Variants in USO1 observed in about 807,000 individuals in gnomAD.
USO1 encodes the protein USO1 vesicle transport factor.
In USO1, 57 loss-of-function variants were observed where a neutral mutation model predicts 124.5. That is an observed-to-expected ratio of 0.46 (90% CI 0.37 to 0.57). The LOEUF is 0.57. Among genes scored for constraint, USO1 ranks in the 20% least tolerant of loss-of-function variants. The probability of loss-of-function intolerance (pLI) is 0.00; values close to 1 mark genes in which losing one functional copy is unlikely to be tolerated. For missense variants in USO1, 900 were observed against 1,040.6 expected (o/e 0.86, Z 1.86); for synonymous variants, 369 against 362.8 (o/e 1.02, Z -0.19).
Position 75,752,561 on chromosome 4 carries a change from A to T in USO1, c.175A>T (p.Ile59Leu). Residue 59 changes from isoleucine to leucine, a missense_variant, in exon 3 of 24, where the codon ATA (isoleucine) becomes TTA (leucine). This residue lies in a region of USO1 where 538 missense variants were observed against 681.6 expected (regional missense o/e 0.79). Transcript: ENST00000514213. ...GCAGAAATACCGCTTGGAAGTGGGT[A>T]TACAAGCTATGGAACATCTTATTCA... The part of the protein sequence containing the change: ...LSKKYRLEVG[I>L]QAMEHLIHVL... The T allele has an allele frequency of 2.5e-6, 1 of 398,568 alleles. No homozygotes were observed. The highest frequency in any genetic ancestry group is 3.6e-5 in the East Asian group (1 of 28,050). The allele number at this position is 398,568 out of a possible 1,614,324, so 24.7% of individuals were successfully genotyped here.
chr4:75,757,370 C>G (rs1296447534), intron 3 of USO1, 127 bp from the exon 4 acceptor site: 1 of 805,520 alleles, frequency 1.2e-6, no homozygotes, highest in Admixed American at 4.6e-5. Flanking sequence ...ACAGTTTGCA[C>G]TCTGATATTT....
intron 9 of USO1, among the ~76,000 whole-genome samples, chr4:75,785,277 C>T (rs1722327599): frequency 6.6e-6 from 1 of 152,132 alleles, no homozygotes; most frequent in African/African-American, 2.4e-5. Flanking sequence ...GATCTGCTTG[C>T]TGAGTTTTAA....
At chr4:75,754,029 C>T (rs1000525241) in intron 3 of USO1, among the ~76,000 whole-genome samples, 5 of 151,478 alleles carry the variant, frequency 3.3e-5, no homozygotes, top group Non-Finnish European at 7.4e-5. Context: ...TCTCGTGATC[C>T]ACCTGCCTTG....
At position 75,724,845 on chromosome 4, in the gene USO1, G is replaced by C. The variant is rs1409886358; in HGVS notation, c.26G>C (p.Gly9Ala). 1.2e-6 allele frequency: 2 copies of C among 1,613,862 alleles called. No individual in the cohort carries two copies. Among genetic ancestry groups the C allele is most frequent in the South Asian group, 1.1e-5 (1 of 91,078 alleles). ...ATGAATTTCCTCCGCGGGGTAATGG[G>C]GGGTCAGAGTGCCGGACCCCAGCAC... MNFLRGVM[G>A]GQSAGPQHTE... The change falls in exon 1 of 24, where the codon GGG becomes GCG. Residue 9 changes from glycine to alanine, a missense_variant. Gly to Ala is a moderately conservative substitution (Grantham distance 60). This residue lies in a region of USO1 where 538 missense variants were observed against 681.6 expected (regional missense o/e 0.79). Transcript: ENST00000514213.
intron 1 of USO1, among the ~76,000 whole-genome samples, chr4:75,740,114 A>G (rs1282840369): frequency 6.6e-6 from 1 of 152,198 alleles, no homozygotes; most frequent in African/African-American, 2.4e-5. Context: ...CAGGAGGACC[A>G]CTTGAGCTCA....
At chr4:75,810,964 C>T (rs1470614933) in intron 22 of USO1, among the ~76,000 whole-genome samples, 2 of 152,014 alleles carry the variant, frequency 1.3e-5, no homozygotes, top group South Asian at 2.1e-4. Context: ...CTCTTGACCT[C>T]GTGATCCACC....
chr4:75,733,648 T>C (rs2149138563), intron 1 of USO1, among the ~76,000 whole-genome samples: 1 of 152,328 alleles, frequency 6.6e-6, no homozygotes, highest in South Asian at 2.1e-4. Context: ...GTTCATGTCC[T>C]TTGCCCATTT....
At chr4:75,793,205 CTTTTTTTTT>C (rs67560505) in intron 12 of USO1, among the ~76,000 whole-genome samples, 1 of 87,728 alleles carries the variant, frequency 1.1e-5, no homozygotes, top group Non-Finnish European at 2.1e-5. Context: ...TCTCTCTCTC[CTTTTTTTTT>C]TTTTTTTTTT....
chr4:75,756,419 T>G (rs1721444467), intron 3 of USO1, among the ~76,000 whole-genome samples: 1 of 98,084 alleles, frequency 1.0e-5, no homozygotes, highest in South Asian at 2.7e-4. Context: ...CTGAGTCTTA[T>G]AAAGTTAATG....
chr4:75,743,541 C>T (rs1377562366), intron 1 of USO1, among the ~76,000 whole-genome samples: 2 of 152,236 alleles, frequency 1.3e-5, no homozygotes, highest in East Asian at 3.9e-4. Flanking sequence ...TATATTCTGT[C>T]TCTTTGCCAT....
chr4:75,810,517 T>C lies in USO1; in HGVS notation c.2561T>C (p.Leu854Ser). The C allele has an allele frequency of 6.2e-7, 1 of 1,612,562 alleles. No homozygotes were observed. The highest frequency in any genetic ancestry group is 1.3e-5 in the African/African-American group (1 of 75,026). ...GTAGAAGGAAGACTGTCAGCATTAT[T>C]ACAAGAGACCAAAGAGTTAAAGGTT... The part of the protein sequence containing the change: ...TDVEGRLSAL[L>S]QETKELKNEI... The change falls in exon 22 of 24, where the codon TTA becomes TCA. Residue 854 changes from leucine to serine, a missense_variant. Leu to Ser is a moderately radical substitution (Grantham distance 145). Around this residue, in one of 2 missense-constraint regions of USO1, gnomAD observed 362 missense variants for 359.0 expected, o/e 1.01. Coordinates refer to ENST00000514213, the MANE Select transcript of USO1 (RefSeq NM_003715.4).
At chr4:75,793,128 A>G (rs569149568) in intron 12 of USO1, among the ~76,000 whole-genome samples, 71 of 149,736 alleles carry the variant, frequency 4.7e-4, no homozygotes, top group African/African-American at 1.7e-3. Flanking sequence ...TATATACCAC[A>G]TTTTCTTTCT....
chr4:75,759,461 G>A (rs1367906400), intron 4 of USO1, among the ~76,000 whole-genome samples: 10 of 150,792 alleles, frequency 6.6e-5, no homozygotes, highest in African/African-American at 1.5e-4. Flanking sequence ...GGGCGTGGTC[G>A]CACACACCTG....
intron 1 of USO1, among the ~76,000 whole-genome samples, chr4:75,738,233 G>T (rs1320891202): frequency 6.6e-6 from 1 of 151,432 alleles, no homozygotes; most frequent in Non-Finnish European, 1.5e-5. Flanking sequence ...AAAGCCAGTG[G>T]ATCATCCAAG....
At chr4:75,774,595 A>G in intron 7 of USO1, 81 bp from the exon 8 acceptor site, 1 of 1,493,740 alleles carries the variant, frequency 6.7e-7, no homozygotes, top group Non-Finnish European at 8.9e-7. Flanking sequence ...TGCCAGTTCT[A>G]AAATTCTGTG....
intron 13 of USO1, among the ~76,000 whole-genome samples, chr4:75,797,560 C>CAAAAA (rs34297170): frequency 9.0e-6 from 1 of 111,544 alleles, no homozygotes; most frequent in Non-Finnish European, 1.8e-5. Flanking sequence ...GTTCCAGAAG[C>CAAAAA]AAAAAAAAAA....
intron 1 of USO1, 97 bp downstream of exon 1, chr4:75,724,982 A>T (rs763116774): frequency 2.2e-6 from 3 of 1,357,016 alleles, no homozygotes; most frequent in Non-Finnish European, 3.1e-6. Context: ...GCGTCCCACC[A>T]TGGAGGGGGC....
At chr4:75,800,293 C>A in intron 14 of USO1, 58 bp from the exon 15 acceptor site, 3 of 1,515,972 alleles carry the variant, frequency 2.0e-6, no homozygotes, top group Non-Finnish European at 2.7e-6. Context: ...ATGTCAAATT[C>A]AAATTGCAAA....
intron 22 of USO1, 69 bp downstream of exon 22, chr4:75,810,608 C>A: frequency 7.0e-7 from 1 of 1,423,282 alleles, no homozygotes; most frequent in Non-Finnish European, 9.3e-7. Context: ...TTTTATATAT[C>A]TTTCAAATTC....
Sources: allele counts gnomAD v4.1 joint callset (sites outside exome capture counted in the v4.1 genomes callset), GRCh38; gene constraint gnomAD v4.1.1; regional missense constraint gnomAD v4.1.1; transcripts MANE v1.5; gene names NCBI Gene and HGNC (gene_info 2026-07-23, HGNC 2026-07-21).